MCM3AP: variants seen among roughly 807,000 people sequenced by gnomAD.
MCM3AP encodes the protein minichromosome maintenance complex component 3 associated protein.
In MCM3AP, 126 loss-of-function variants were observed where a neutral mutation model predicts 184.1. The observed-to-expected ratio is 0.68, with a 90% CI of 0.59 to 0.79. The LOEUF is 0.79. Ranked by LOEUF, MCM3AP falls within the 30% of genes least tolerant of loss-of-function variation. The pLI is 0.00. For synonymous variants in MCM3AP, 1,002 were observed against 979.3 expected (o/e 1.02, Z -0.43); for missense variants, 2,496 against 2,479.2 (o/e 1.01, Z -0.14).
chr21:46,257,046 C>T, intron 16 of MCM3AP, 60 bp from the exon 17 acceptor site: 1 of 1,545,174 alleles, frequency 6.5e-7, no homozygotes, highest in South Asian at 1.2e-5. Context: ...CTGAGAAACA[C>T]ATTGCAGTCA....
intron 8 of MCM3AP, among the ~76,000 whole-genome samples, chr21:46,271,352 A>C (rs2081177589): frequency 6.9e-6 from 1 of 143,894 alleles, no homozygotes; most frequent in Non-Finnish European, 1.5e-5. Context: ...TTTAAGAGAT[A>C]GGGTCTTGCT....
chr21:46,264,231 A>G lies in MCM3AP; in HGVS notation c.3235-14T>C. The G allele has an allele frequency of 6.4e-7, 1 of 1,569,144 alleles. No individual in the cohort carries two copies. The highest frequency in any genetic ancestry group is 1.1e-5 in the South Asian group (1 of 89,422). On this transcript the variant is annotated splice_polypyrimidine_tract_variant and intron_variant, in intron 12 of 27. Coordinates refer to ENST00000291688, the MANE Select transcript of MCM3AP (RefSeq NM_003906.5). ...CTGCGCCAGGTCCTGTGGAGAGACC[A>G]GCATGGGGTGTAATGGAACGTCCCA...
intron 16 of MCM3AP, among the ~76,000 whole-genome samples, chr21:46,257,924 CAAA>C (rs5844261): frequency 2.1e-5 from 2 of 97,068 alleles, no homozygotes; most frequent in Non-Finnish European, 2.1e-5. Context: ...GACTCCATCT[CAAA>C]AAAAAAAAAA....
intron 22 of MCM3AP, 101 bp from the exon 23 acceptor site, chr21:46,245,298 A>T: frequency 9.4e-7 from 1 of 1,062,616 alleles, no homozygotes; most frequent in African/African-American, 1.6e-5. Context: ...AGCAGGTAAT[A>T]CCAGAGTACT....
In MCM3AP at chr21:46,243,536, T is replaced by G; in HGVS notation, c.5225A>C (p.Asp1742Ala). 6.2e-7 allele frequency: 1 copy of G among 1,614,156 alleles called. No individual in the cohort carries two copies. The highest frequency in any genetic ancestry group is 1.1e-5 in the South Asian group (1 of 91,082). ...GTTGATACACAAGGCGATAAGATCA[T>G]CCCATGGGATCTCCATGACCGAGGG... is the stretch of plus-strand genomic sequence containing the variant. ...AGPSVMEIPW[D>A]DLIALCINHK... The change falls in exon 24 of 28, where the codon GAT (aspartate) becomes GCT (alanine). Residue 1742 changes from aspartate (D) to alanine (A), a missense_variant. Transcript: ENST00000291688.
chr21:46,260,723 G>T, intron 15 of MCM3AP, 70 bp downstream of exon 15: 3 of 1,108,196 alleles, frequency 2.7e-6, no homozygotes, highest in Non-Finnish European at 4.1e-6. Context: ...CCTCAGTGGT[G>T]CAAGACACAG....
At chr21:46,254,265 G>A in intron 19 of MCM3AP, 127 bp downstream of exon 19, 1 of 941,198 alleles carries the variant, frequency 1.1e-6, no homozygotes, top group South Asian at 1.6e-5. Flanking sequence ...GTAAATCCAA[G>A]CATTAAAACA....
At chr21:46,255,425 C>T (rs2080935546) in intron 17 of MCM3AP, among the ~76,000 whole-genome samples, 1 of 131,170 alleles carries the variant, frequency 7.6e-6, no homozygotes, top group African/African-American at 3.3e-5. Context: ...TGGAGGATCC[C>T]TCTGTTGTGG....
intron 13 of MCM3AP, among the ~76,000 whole-genome samples, chr21:46,261,884 T>C (rs1463522298): frequency 6.6e-6 from 1 of 152,182 alleles, no homozygotes; most frequent in Admixed American, 6.5e-5. Flanking sequence ...CATGTCATGC[T>C]TTTCAAAGGA....
At chr21:46,254,099 T>G (rs528550554) in intron 19 of MCM3AP, 37 of 404,352 alleles carry the variant, frequency 9.2e-5, no homozygotes, top group African/African-American at 6.3e-4. Context: ...CCATGCTTCC[T>G]GTACAGCCGA....
At chr21:46,244,452 T>C in intron 23 of MCM3AP, 1 of 288,274 alleles carries the variant, frequency 3.5e-6, no homozygotes, top group Non-Finnish European at 6.5e-6. Context: ...CCATGCTCTT[T>C]GCCCCTTGTC....
At chr21:46,250,347 G>GTA (rs1012896954) in intron 20 of MCM3AP, 1 of 151,030 alleles carries the variant, frequency 6.6e-6, no homozygotes, top group Non-Finnish European at 1.5e-5. Context: ...ACCTAGTATG[G>GTA]TATGCAGTGG....
chr21:46,261,345 T>G lies in MCM3AP; in HGVS notation c.3402A>C (p.Ala1134=), dbSNP rs1394350366. ...CTCTTTCCTTAGACACTTCTTCAGC[T>G]GCAATGTGCCTCAAAATGCCCGTGG... ...AATTGILRHI[A]AEEVSKERER... The change falls in exon 14 of 28, where the codon GCA becomes GCC. Residue 1134 remains alanine, a synonymous_variant. Coordinates refer to ENST00000291688, the MANE Select transcript of MCM3AP (RefSeq NM_003906.5). The G allele has an allele frequency of 6.2e-7, 1 of 1,614,186 alleles. No individual in the cohort carries two copies. The highest frequency in any genetic ancestry group is 8.5e-7 in the Non-Finnish European group (1 of 1,180,010).
rs777109156 is a variant in MCM3AP at position 46,273,417 on chromosome 21, C to T, written c.2167G>A (p.Val723Met). The change falls in exon 7 of 28, where the codon GTG (valine) becomes ATG (methionine). Residue 723 changes from valine (V) to methionine (M), a missense_variant. Transcript: ENST00000291688. ...EGSLRDWYDF[V>M]WNRTRGIRKD... is the part of the protein sequence containing the mutation. ...CGTATGCCACGCGTGCGGTTCCACA[C>T]GAAGTCATACCAATCCCGCAGGCTG... 1.9e-6 allele frequency: 3 copies of T among 1,614,008 alleles called. No individual in the cohort carries two copies. Among genetic ancestry groups the T allele is most frequent in the South Asian group, 1.1e-5 (1 of 91,076 alleles).
rs1403071886 is a variant in MCM3AP at position 46,242,873 on chromosome 21, T to C, written c.5355A>G (p.Lys1785=). 1.1e-5 allele frequency: 18 copies of C among 1,613,480 alleles called. No individual in the cohort carries two copies. Among genetic ancestry groups the C allele is most frequent in the Non-Finnish European group, 1.5e-5 (18 of 1,179,714 alleles). Residue 1785 remains lysine, a synonymous_variant, in exon 25 of 28, where the codon AAA becomes AAG. Transcript: ENST00000291688. ...GTTCCCACGACAAAGGAACATCATA[T>C]TTTTTCAAATCGTTTTTAAAAAAAT... ...CVYFFKNDLK[K]YDVPLSWEQA... is the part of the protein sequence containing the mutation.
chr21:46,280,605 G>A, intron 2 of MCM3AP, 30 bp from the exon 3 acceptor site: 3 of 1,469,704 alleles, frequency 2.0e-6, no homozygotes, highest in Non-Finnish European at 9.5e-7. Flanking sequence ...CGCCATGTGT[G>A]AGTATATCAG....
intron 8 of MCM3AP, among the ~76,000 whole-genome samples, chr21:46,271,391 T>C (rs56221239): frequency 6.6e-6 from 1 of 150,838 alleles, no homozygotes; most frequent in Admixed American, 6.6e-5. Context: ...GACAGTGGCA[T>C]GATCACAGCT....
intron 20 of MCM3AP, chr21:46,249,585 GC>G: frequency 2.2e-6 from 1 of 452,498 alleles, no homozygotes; most frequent in Non-Finnish European, 4.4e-6. Flanking sequence ...CTTTCCCCCA[GC>G]TTAAGGTATT....
chr21:46,260,837 G>A lies in MCM3AP; in HGVS notation c.3537C>T (p.Arg1179=), dbSNP rs182200902. 1.2e-5 allele frequency: 20 copies of A among 1,614,076 alleles called. No individual in the cohort carries two copies. The highest frequency in any genetic ancestry group is 6.6e-5 in the South Asian group (6 of 91,068). ...TTTCCCTCACAAACTCCATCATCAC[G>A]CGTTCCATCAGCTCCACGGCCAGGC... ...SQGLAVELME[R]VMMEFVRETC... The change falls in exon 15 of 28, where the codon CGC becomes CGT. Residue 1179 remains arginine, a synonymous_variant. Transcript: ENST00000291688.
Sources: gnomAD v4.1 joint callset for allele counts (sites outside exome capture counted in the v4.1 genomes callset) on GRCh38, gnomAD v4.1.1 for gene constraint, MANE v1.5 for transcripts, NCBI Gene and HGNC (gene_info 2026-07-23, HGNC 2026-07-21) for gene names.